FBF1: variants seen among roughly 807,000 people sequenced by gnomAD.
FBF1 encodes the protein Fas binding factor 1, also known as fas-binding factor 1.
A neutral mutation model predicts 147.2 loss-of-function variants in FBF1; 119 were observed. That is an observed-to-expected ratio of 0.81 (90% confidence interval 0.70 to 0.94). The LOEUF (loss-of-function observed/expected upper bound fraction) is 0.94. Ranked by LOEUF, FBF1 falls within the 40% of genes least tolerant of loss-of-function variation. FBF1 has a pLI of 0.00. For synonymous variants in FBF1, 601 were observed against 609.0 expected, an observed-to-expected ratio of 0.99 and a Z score of 0.19; for missense variants, 1,449 against 1,500.8, an observed-to-expected ratio of 0.97 and a Z score of 0.57.
chr17:75,918,112 A>C lies in FBF1; in HGVS notation c.2247-42T>G. ...TCACCCCCTCCTGACGGTCTCGGGG[A>C]CCTTCCGGCCCCCAACGTCAGGCGG... On this transcript the variant is annotated intron_variant, in intron 21 of 29. Transcript: ENST00000636174. This position sits in a 1 kb window ranked among gnomAD's most constrained non-coding sequence, Gnocchi z 5.8. 6.2e-7 allele frequency: 1 copy of C among 1,607,006 alleles called. No individual in the cohort carries two copies. Among genetic ancestry groups the C allele is most frequent in the South Asian group, 1.1e-5 (1 of 90,542 alleles).
At chr17:75,929,601 A>C (rs995500300) in intron 7 of FBF1, among the ~76,000 whole-genome samples, 5 of 152,190 alleles carry the variant, frequency 3.3e-5, no homozygotes, top group Admixed American at 2.6e-4. Flanking sequence ...GCTTGATCTG[A>C]TGAGAAGACA....
intron 4 of FBF1, among the ~76,000 whole-genome samples, chr17:75,935,220 A>G (rs1598162318): frequency 6.7e-6 from 1 of 150,068 alleles, no homozygotes; most frequent in Non-Finnish European, 1.5e-5. Context: ...GCTGGAGCGC[A>G]GTGGTGCAAC....
intron 17 of FBF1, 148 bp downstream of exon 17, chr17:75,921,096 G>A (rs2065523193): frequency 3.8e-6 from 3 of 780,118 alleles, no homozygotes; most frequent in Admixed American, 4.8e-5. Context: ...TTCTAGTGGG[G>A]GGTGCCCGGG....
At chr17:75,914,412 A>C (rs1212108939) in intron 25 of FBF1, 114 bp from the exon 26 acceptor site, 5 of 1,421,902 alleles carry the variant, frequency 3.5e-6, no homozygotes, top group Non-Finnish European at 3.7e-6. Context: ...TGGTGGAGCC[A>C]GGGGCTTCCA....
intron 1 of FBF1, among the ~76,000 whole-genome samples, chr17:75,938,632 G>A (rs2065639982): frequency 2.0e-5 from 3 of 151,248 alleles, no homozygotes; most frequent in Non-Finnish European, 4.4e-5. Context: ...GGGAGGCCGA[G>A]GCAGGTGGAC....
chr17:75,913,407 G>A (rs1000209239), intron 28 of FBF1: 10 of 272,436 alleles, frequency 3.7e-5, no homozygotes, highest in South Asian at 3.6e-4. Flanking sequence ...CTCGGCTGCC[G>A]AAAGTGCTGA....
In FBF1 at chr17:75,918,156, A is replaced by T. The variant is rs2065500952; in HGVS notation, c.2246+6T>A. On this transcript the variant is annotated splice_donor_region_variant and intron_variant, in intron 21 of 29. Coordinates refer to ENST00000636174, the MANE Select transcript of FBF1 (RefSeq NM_001319193.2). The surrounding 1 kb of genome is among the most constrained non-coding windows in gnomAD (Gnocchi z 5.8). ...CAGGCGGGCATGGTTGGGGCAGCGC[A>T]CATACCGCGTGTGGGAGGTGGCACT... The T allele has an allele frequency of 6.2e-7, 1 of 1,609,156 alleles. No individual in the cohort carries two copies. The highest frequency in any genetic ancestry group is 1.3e-5 in the African/African-American group (1 of 74,888).
rs199721470 is a variant in FBF1 at position 75,923,472 on chromosome 17, G to A, written c.1138C>T (p.Arg380Trp). Residue 380 changes from arginine (R) to tryptophan (W), a missense_variant, in exon 14 of 30, where the codon CGG (arginine) becomes TGG (tryptophan). Physicochemically the swap from Arg to Trp is moderately radical, Grantham distance 101 (BLOSUM62 -3). Transcript: ENST00000636174. This position sits in a 1 kb window ranked among gnomAD's most constrained non-coding sequence, Gnocchi z 4.1. The part of the protein sequence containing the change: ...FPASPTREAH[R>W]ESSVPVTPSV... ...GGCGTGACAGGCACTGAACTTTCCC[G>A]ATGGGCCTCTCTGGTGGGTGAGGCA... 5.8e-5 allele frequency: 94 copies of A among 1,608,656 alleles called. No individual in the cohort carries two copies. The highest frequency in any genetic ancestry group is 3.6e-4 in the East Asian group (16 of 44,756).
intron 3 of FBF1, 147 bp downstream of exon 3, chr17:75,937,419 C>T: frequency 2.6e-6 from 2 of 768,736 alleles, no homozygotes; most frequent in Non-Finnish European, 4.4e-6. Context: ...ATCCACCCAC[C>T]TCGGCCTCCC....
intron 7 of FBF1, 52 bp downstream of exon 7, chr17:75,929,945 A>ACCT: frequency 1.5e-6 from 1 of 650,912 alleles, no homozygotes; most frequent in Non-Finnish European, 2.8e-6. Flanking sequence ...AAATATCATG[A>ACCT]CCCCACCCCA....
At chr17:75,912,430 G>T in intron 28 of FBF1, 123 bp from the exon 29 acceptor site, 1 of 642,620 alleles carries the variant, frequency 1.6e-6, no homozygotes, top group Non-Finnish European at 2.6e-6. Context: ...TACTCAGGGT[G>T]CAATGGCACT....
chr17:75,929,801 C>G lies in FBF1; in HGVS notation c.279+196G>C, dbSNP rs536359877. ...GTGGCACTCTCCACTCTCTATATAC[C>G]AGGAACACTGGTTGATACTCAGAAA... On this transcript the variant is annotated intron_variant, in intron 7 of 29. Coordinates refer to ENST00000636174, the MANE Select transcript of FBF1 (RefSeq NM_001319193.2). Among the ~76,000 whole-genome samples the G allele has an allele frequency of 2.6e-5, 4 of 152,278 alleles. No homozygotes were observed. The South Asian group carries it at 6.2e-4, about 24-fold the overall frequency.
rs772428036 is a variant in FBF1, at chr17:75,914,733, G to A, written c.2814+14C>T. 1.3e-6 allele frequency: 2 copies of A among 1,545,646 alleles called. No individual in the cohort carries two copies. The highest frequency in any genetic ancestry group is 1.4e-5 in the African/African-American group (1 of 73,260). ...ACCCTGGGCCCTCCACTGTCCGGAG[G>A]CTCTGGGCCCTACCTTGGCCAGGCT... On this transcript the variant is annotated intron_variant, in intron 25 of 29. Transcript: ENST00000636174.
chr17:75,939,317 A>AAAAAAAAAAAAAAAAAAC (rs375216079), intron 1 of FBF1, among the ~76,000 whole-genome samples: 1 of 140,698 alleles, frequency 7.1e-6, no homozygotes, highest in African/African-American at 2.8e-5. Context: ...AAAAAAAAAA[A>AAAAAAAAAAAAAAAAAAC]CGTGCTCTGG....
chr17:75,927,548 G>A lies in FBF1; in HGVS notation c.398-16C>T. The A allele has an allele frequency of 1.9e-6, 3 of 1,589,414 alleles. No homozygotes were observed. The highest frequency in any genetic ancestry group is 1.1e-5 in the South Asian group (1 of 86,994). On this transcript the variant is annotated splice_polypyrimidine_tract_variant and intron_variant, in intron 8 of 29. Transcript: ENST00000636174. The stretch of plus-strand genomic sequence containing the variant: ...ATGGCACCCCCTGCAGGAAGCAGAA[G>A]ACAAGGTCATGGGCCTGAGTCTCTC...
intron 25 of FBF1, 32 bp from the exon 26 acceptor site, chr17:75,914,330 C>T: frequency 1.3e-6 from 2 of 1,570,144 alleles, no homozygotes; most frequent in Non-Finnish European, 1.7e-6. Flanking sequence ...CTGCATTCTC[C>T]TCCCAGGAAT....
chr17:75,924,730 G>A (rs1437959669), intron 13 of FBF1, among the ~76,000 whole-genome samples: 2 of 152,058 alleles, frequency 1.3e-5, no homozygotes, highest in East Asian at 3.8e-4. Context: ...CACCTGCCTT[G>A]GTCTCCCAAA....
At chr17:75,926,009 G>T in intron 12 of FBF1, 21 bp downstream of exon 12, 1 of 1,589,282 alleles carries the variant, frequency 6.3e-7, no homozygotes, top group Non-Finnish European at 8.6e-7. Context: ...GTCCTGTTGC[G>T]GCCCCCGCAA....
At chr17:75,939,832 G>C (rs1349341729) in intron 1 of FBF1, 1 of 152,254 alleles carries the variant, frequency 6.6e-6, no homozygotes, top group Non-Finnish European at 1.5e-5. Context: ...AGGATGTCCT[G>C]GAAGAAAGGA....
Sources: allele counts gnomAD v4.1 joint callset (sites outside exome capture counted in the v4.1 genomes callset), GRCh38; gene constraint gnomAD v4.1.1; non-coding constraint Gnocchi (gnomAD v3.1); transcripts MANE v1.5; gene names NCBI Gene and HGNC (gene_info 2026-07-23, HGNC 2026-07-21).